The following KAZN variants were observed in gnomAD, a reference collection of about 807,000 sequenced individuals.
The protein encoded by KAZN is kazrin, periplakin interacting protein, also known as kazrin.
Under a neutral mutation model 87.4 loss-of-function variants are expected in KAZN, and 40 were observed. The observed-to-expected ratio is 0.46, with a 90% CI of 0.36 to 0.60. The LOEUF is 0.60. KAZN is among the 20% of genes least tolerant of loss of function. The probability of loss-of-function intolerance (pLI) is 0.00; values close to 1 mark genes in which losing one functional copy is unlikely to be tolerated. For missense variants in KAZN, 898 were observed against 1,073.9 expected (o/e 0.84, Z 2.29); for synonymous variants, 466 against 458.3 (o/e 1.02, Z -0.22).
At position 14,525,370 on chromosome 1, in the gene KAZN, G is replaced by A. The variant is rs749981606; in HGVS notation, c.250-73613G>A. On this transcript the variant is annotated intron_variant, in intron 2 of 16. Coordinates refer to the KAZN transcript ENST00000636203. ...TTTTCTGTAAAGGGCCAGTTACTGTGTGAGGCTTTTGAACCATGAGGTGTC... is the reference window on the plus strand; with the variant it reads ...TTTTCTGTAAAGGGCCAGTTACTGTATGAGGCTTTTGAACCATGAGGTGTC... 1.6e-4 allele frequency among the ~76,000 whole-genome samples: 25 copies of A among 152,174 alleles called. 1 individual carries two copies. Among genetic ancestry groups the A allele is most frequent in the Non-Finnish European group, 3.5e-4 (24 of 68,036 alleles).
Position 15,064,014 on chromosome 1 carries a change from C to T in KAZN, c.1098+392C>T, listed in dbSNP as rs1278668869. ...TGGAGCTGCTGAGTGCACACATGTC[C>T]TCCGTCCTGATGCCCTGGCCATGGC... On this transcript the variant is annotated intron_variant, in intron 7 of 14. Transcript: ENST00000376030. Among the ~76,000 whole-genome samples, 5 of 152,370 alleles carry T rather than the reference C, an allele frequency of 3.3e-5. No individual in the cohort carries two copies. The East Asian group carries it at 9.6e-4, about 29-fold the overall frequency.
At chr1:14,546,881 A>G (rs1673180084) in intron 2 of KAZN, among the ~76,000 whole-genome samples, 1 of 152,152 alleles carries the variant, frequency 6.6e-6, no homozygotes, top group South Asian at 2.1e-4. Context: ...CTGAAGTCTT[A>G]CTTCCTGAGA....
intron 1 of KAZN, among the ~76,000 whole-genome samples, chr1:14,642,187 C>G (rs533311892): frequency 1.3e-5 from 2 of 152,150 alleles, no homozygotes; most frequent in African/African-American, 4.8e-5. Context: ...ATGACAAGCT[C>G]GGGAGATCGA....
At chr1:13,963,627 T>A (rs1346489949) in intron 1 of KAZN, among the ~76,000 whole-genome samples, 1 of 152,210 alleles carries the variant, frequency 6.6e-6, no homozygotes, top group Non-Finnish European at 1.5e-5. Flanking sequence ...CAGCCACTTC[T>A]TATCTCCCTT....
chr1:14,618,796 T>C (rs1678458725), intron 1 of KAZN, among the ~76,000 whole-genome samples: 1 of 152,162 alleles, frequency 6.6e-6, no homozygotes, highest in Non-Finnish European at 1.5e-5. Flanking sequence ...ACAGTGATAG[T>C]AGTATGTGCA....
chr1:14,225,585 A>G (rs1647237075), intron 2 of KAZN, among the ~76,000 whole-genome samples: 1 of 152,206 alleles, frequency 6.6e-6, no homozygotes, highest in South Asian at 2.1e-4. Context: ...AAGCCTAAGC[A>G]AAAAGAACAG....
intron 1 of KAZN, among the ~76,000 whole-genome samples, chr1:14,043,362 G>A (rs1225453004): frequency 2.0e-5 from 3 of 152,144 alleles, no homozygotes; most frequent in Non-Finnish European, 4.4e-5. Flanking sequence ...GGTTATTCCA[G>A]CCTTTTGGCT....
At chr1:15,088,087 C>G (rs547450267) in intron 8 of KAZN, among the ~76,000 whole-genome samples, 4 of 152,210 alleles carry the variant, frequency 2.6e-5, no homozygotes, top group African/African-American at 9.6e-5. Flanking sequence ...TGGTCTTTTG[C>G]ACCGGGCCAA....
chr1:14,201,814 A>G (rs1646646315), intron 2 of KAZN, among the ~76,000 whole-genome samples: 1 of 152,088 alleles, frequency 6.6e-6, no homozygotes, highest in South Asian at 2.1e-4. Flanking sequence ...GATTACAGGC[A>G]TGCACCACCA....
At chr1:14,524,606 A>G (rs1480775565) in intron 2 of KAZN, among the ~76,000 whole-genome samples, 1 of 152,178 alleles carries the variant, frequency 6.6e-6, no homozygotes, top group African/African-American at 2.4e-5. Flanking sequence ...TCATTATCTA[A>G]TGGCCAACCT....
chr1:14,715,441 G>A (rs1642740122), intron 1 of KAZN, among the ~76,000 whole-genome samples: 1 of 152,200 alleles, frequency 6.6e-6, no homozygotes, highest in Non-Finnish European at 1.5e-5. Flanking sequence ...GCACAGCCTG[G>A]CAGCGAAGCT....
intron 2 of KAZN, among the ~76,000 whole-genome samples, chr1:14,246,612 A>G (rs1008151180): frequency 3.9e-5 from 6 of 152,190 alleles, no homozygotes; most frequent in African/African-American, 1.4e-4. Flanking sequence ...AGAATGGAAC[A>G]TTTCCAACAC....
chr1:14,156,464 A>ATTATT (rs1340450134), intron 1 of KAZN, among the ~76,000 whole-genome samples: 4 of 152,090 alleles, frequency 2.6e-5, no homozygotes, highest in South Asian at 2.1e-4. Flanking sequence ...ATTGTATTGG[A>ATTATT]GTCTATCTCT....
intron 2 of KAZN, among the ~76,000 whole-genome samples, chr1:14,429,553 A>C (rs1341179366): frequency 1.3e-5 from 2 of 152,188 alleles, no homozygotes; most frequent in Non-Finnish European, 2.9e-5. Context: ...TGGCAGGCAC[A>C]GTCTCTGAGA....
At chr1:14,434,128 T>G (rs1666242601) in intron 2 of KAZN, among the ~76,000 whole-genome samples, 1 of 152,246 alleles carries the variant, frequency 6.6e-6, no homozygotes, top group African/African-American at 2.4e-5. Context: ...CTCTTTTTTA[T>G]TTTCAATCCA....
At chr1:14,363,246 T>C (rs1460622128) in intron 2 of KAZN, among the ~76,000 whole-genome samples, 1 of 152,200 alleles carries the variant, frequency 6.6e-6, no homozygotes, top group Non-Finnish European at 1.5e-5. Context: ...CACTTTAGCC[T>C]GGTAGACAGA....
At chr1:14,688,359 A>G (rs959654947) in intron 1 of KAZN, among the ~76,000 whole-genome samples, 1 of 152,224 alleles carries the variant, frequency 6.6e-6, no homozygotes, top group African/African-American at 2.4e-5. Context: ...CAGAGGCTGC[A>G]TCGATTGTGC....
chr1:14,295,934 G>A (rs1654078260), intron 2 of KAZN, among the ~76,000 whole-genome samples: 1 of 152,122 alleles, frequency 6.6e-6, no homozygotes, highest in South Asian at 2.1e-4. Flanking sequence ...GCATCACCCA[G>A]CGCACTGTGG....
chr1:14,436,279 C>T (rs1571642218), intron 2 of KAZN, among the ~76,000 whole-genome samples: 1 of 151,922 alleles, frequency 6.6e-6, no homozygotes, highest in East Asian at 1.9e-4. Flanking sequence ...ATTAGATGAC[C>T]TACCCACAGT....
Sources: allele counts gnomAD v4.1 joint callset (sites outside exome capture counted in the v4.1 genomes callset), GRCh38; gene constraint gnomAD v4.1.1; transcripts MANE v1.5; gene names NCBI Gene and HGNC (gene_info 2026-07-23, HGNC 2026-07-21).